Variants in ART3 observed in about 807,000 individuals in gnomAD.
ART3 encodes the protein ecto-ADP-ribosyltransferase 3.
ART3 carries 49 observed loss-of-function variants against 48.5 expected under a neutral mutation model. The observed-to-expected ratio is 1.01, with a 90% confidence interval of 0.80 to 1.28. ART3 has a LOEUF of 1.28. ART3 is among the 50% of genes most tolerant of loss of function. The pLI is 0.00. For missense variants in ART3, 438 were observed against 454.3 expected (o/e 0.96, Z 0.33); for synonymous variants, 145 against 157.2 (o/e 0.92, Z 0.58).
At chr4:76,012,319 TCA>T (rs1348970897) in intron 1 of ART3, 6 of 152,222 alleles carry the variant, frequency 3.9e-5, no homozygotes, top group Admixed American at 1.3e-4. Flanking sequence ...TTTGAATTTC[TCA>T]CAGTGTGGAT....
At chr4:76,011,821 G>T (rs917818358) in intron 1 of ART3, among the ~76,000 whole-genome samples, 4 of 152,202 alleles carry the variant, frequency 2.6e-5, no homozygotes, top group African/African-American at 9.7e-5. Flanking sequence ...GCTTCGTTTA[G>T]GAACTTGTCA....
intron 1 of ART3, among the ~76,000 whole-genome samples, chr4:76,049,509 C>G (rs1244366105): frequency 2.0e-5 from 3 of 151,902 alleles, no homozygotes. Context: ...CTAGGCAAAC[C>G]AACGGTCCCA....
intron 10 of ART3, 136 bp downstream of exon 10, chr4:76,104,765 A>G (rs969777086): frequency 5.5e-5 from 62 of 1,126,144 alleles, no homozygotes; most frequent in Non-Finnish European, 7.7e-5. Flanking sequence ...CATGTACATG[A>G]CAGGAATATT....
At chr4:76,015,124 G>A (rs1732145288) in intron 1 of ART3, among the ~76,000 whole-genome samples, 1 of 152,120 alleles carries the variant, frequency 6.6e-6, no homozygotes, top group Non-Finnish European at 1.5e-5. Flanking sequence ...TACTGGTAAA[G>A]GTAACTATGT....
chr4:76,089,125 TA>T (rs1724259037), intron 3 of ART3, among the ~76,000 whole-genome samples: 1 of 152,256 alleles, frequency 6.6e-6, no homozygotes, highest in Admixed American at 6.5e-5. Context: ...AATTACTTGC[TA>T]ATGGGATGTG....
At chr4:76,026,703 T>G (rs1015423576) in intron 1 of ART3, among the ~76,000 whole-genome samples, 1 of 152,236 alleles carries the variant, frequency 6.6e-6, no homozygotes, top group Non-Finnish European at 1.5e-5. Flanking sequence ...TGCTGTTTTT[T>G]TATCTGTAAT....
upstream of ART3, among the ~76,000 whole-genome samples, chr4:76,071,527 C>A (rs1318278885): frequency 1.3e-5 from 2 of 152,120 alleles, no homozygotes; most frequent in East Asian, 3.9e-4. Flanking sequence ...TCTTTTCATT[C>A]TTTCTTAGGC....
chr4:76,034,217 A>G (rs1041265055), intron 1 of ART3: 13 of 383,452 alleles, frequency 3.4e-5, no homozygotes, highest in Non-Finnish European at 5.1e-5. Context: ...TTGGGGAAAG[A>G]AGTGTGTATT....
chr4:76,100,673 A>ATACC (rs1265320731), intron 6 of ART3, 122 bp from the exon 7 acceptor site: 25 of 1,154,462 alleles, frequency 2.2e-5, no homozygotes, highest in Non-Finnish European at 3.1e-5. Flanking sequence ...ATTTTGCAAG[A>ATACC]TACCTCCCTT....
chr4:76,028,096 C>T (rs1476838466), intron 1 of ART3, among the ~76,000 whole-genome samples: 1 of 152,108 alleles, frequency 6.6e-6, no homozygotes, highest in South Asian at 2.1e-4. Flanking sequence ...ACGAAGGACC[C>T]TTCTCTTCTT....
chr4:76,074,100 A>G (rs1009044583), upstream of ART3, among the ~76,000 whole-genome samples: 1 of 152,154 alleles, frequency 6.6e-6, no homozygotes, highest in African/African-American at 2.4e-5. Flanking sequence ...TGCAGTCAGT[A>G]TATTTACCAT....
intron 1 of ART3, among the ~76,000 whole-genome samples, chr4:76,075,641 G>C (rs1227619241): frequency 3.3e-5 from 5 of 152,074 alleles, no homozygotes; most frequent in African/African-American, 1.2e-4. Context: ...ATTTAATCTT[G>C]AGCAAATCAC....
chr4:76,025,405 T>C (rs568552014), intron 1 of ART3, among the ~76,000 whole-genome samples: 2 of 152,294 alleles, frequency 1.3e-5, no homozygotes, highest in African/African-American at 2.4e-5. Flanking sequence ...TAGAAGACAA[T>C]GTAAAAAGGA....
At chr4:76,092,140 C>G (rs73826308) in intron 3 of ART3, among the ~76,000 whole-genome samples, 1,913 of 152,220 alleles carry the variant, frequency 0.013, 45 homozygotes, top group African/African-American at 0.043. Context: ...TTGTCAATTT[C>G]TACAATTTCT....
chr4:76,097,477 G>A (rs1006305187), intron 3 of ART3, among the ~76,000 whole-genome samples, 167 bp from the exon 4 acceptor site: 1 of 152,104 alleles, frequency 6.6e-6, no homozygotes, highest in African/African-American at 2.4e-5. Context: ...GAAATGCTGG[G>A]GTTACAGGCA....
intron 1 of ART3, 66 bp from the exon 2 acceptor site, chr4:76,075,815 C>T (rs1720913791): frequency 2.5e-6 from 3 of 1,218,032 alleles, no homozygotes; most frequent in South Asian, 2.6e-5. Context: ...GCAGTGTCAT[C>T]CTATTCTACT....
chr4:76,102,631 G>C (rs879618751), intron 8 of ART3, among the ~76,000 whole-genome samples: 11 of 126,208 alleles, frequency 8.7e-5, no homozygotes, highest in Non-Finnish European at 3.7e-5. Flanking sequence ...GTAAATAATT[G>C]GATATAGAAC....
chr4:76,023,580 T>C (rs1733090660), intron 1 of ART3: 1 of 626,540 alleles, frequency 1.6e-6, no homozygotes, highest in Non-Finnish European at 2.8e-6. Context: ...GCATTACAGT[T>C]GACTTAGCAA....
intron 1 of ART3, among the ~76,000 whole-genome samples, chr4:76,040,480 A>ACACACACACACAC (rs1734862917): frequency 6.8e-6 from 1 of 147,646 alleles, no homozygotes; most frequent in Non-Finnish European, 1.5e-5. Flanking sequence ...ACACACACAC[A>ACACACACACACAC]TTTCGCCTAA....
Sources: allele counts gnomAD v4.1 joint callset (sites outside exome capture counted in the v4.1 genomes callset), GRCh38; gene constraint gnomAD v4.1.1; transcripts MANE v1.5; gene names NCBI Gene and HGNC (gene_info 2026-07-23, HGNC 2026-07-21).